The following NUPR2 variants were observed in gnomAD, a reference collection of about 807,000 sequenced individuals.
The protein encoded by NUPR2 is nuclear protein 2.
Under a neutral mutation model 7.3 loss-of-function variants are expected in NUPR2, and 14 were observed. The observed-to-expected ratio is 1.93, with a 90% confidence interval of 1.27 to 3.01. The LOEUF (loss-of-function observed/expected upper bound fraction) is 3.01, where lower values mean the gene tolerates loss of function less well. Among genes scored for constraint, NUPR2 ranks in the 30% most tolerant of loss-of-function variants. NUPR2 has a pLI of 0.00. For missense variants in NUPR2, 162 were observed against 143.7 expected (o/e 1.13, Z -0.65); for synonymous variants, 56 against 59.7 (o/e 0.94, Z 0.29).
In NUPR2 at chr7:56,115,449, G is replaced by GTATATATATATATATT. The variant is rs60116657; in HGVS notation, c.*7-553_*7-552insAATATATATATATATA. Among the ~76,000 whole-genome samples, 5 of 37,188 alleles carry GTATATATATATATATT rather than the reference G, an allele frequency of 1.3e-4. 1 individual carries two copies. Among genetic ancestry groups the GTATATATATATATATT allele is most frequent in the East Asian group, 3.1e-3 (2 of 650 alleles). 24.4% of individuals were successfully genotyped at this position (37,188 alleles called of 152,430 possible). On this transcript the variant is annotated intron_variant, in intron 1 of 1. Coordinates refer to ENST00000329309, the MANE Select transcript of NUPR2 (RefSeq NM_001145712.2). ...TATATTTGTGTGTGTGTGTGTGTGT[G>GTATATATATATATATT]TGTGTGTGTGTGTGTGTGTGTGTGT...
Position 56,115,421 on chromosome 7 carries a change from A to ATG in NUPR2, c.*7-525_*7-524insCA, listed in dbSNP as rs1785526538. Among the ~76,000 whole-genome samples, 5 of 24,956 alleles carry ATG rather than the reference A, an allele frequency of 2.0e-4. 2 individuals are homozygous for ATG. In the South Asian group the frequency reaches 6.0e-3, roughly 30 times the overall value. The allele number at this position is 24,956 out of a possible 152,430, so 16.4% of individuals were successfully genotyped here. On this transcript the variant is annotated intron_variant, in intron 1 of 1. Transcript: ENST00000329309. ...TATATATATATATATATATATATATATATATATTTGTGTGTGTGTGTGTGT... is the reference window on the plus strand; with the variant it reads ...TATATATATATATATATATATATATATGTATATATTTGTGTGTGTGTGTGTGT...
In NUPR2 at chr7:56,116,175, C is replaced by A; in HGVS notation, c.140G>T (p.Arg47Leu). 1.3e-6 allele frequency: 2 copies of A among 1,548,106 alleles called. No homozygotes were observed. Among genetic ancestry groups the A allele is most frequent in the African/African-American group, 1.4e-5 (1 of 72,390 alleles). The part of the protein sequence containing the change: ...LRDFPACGAG[R>L]SKGRTRREQA... ...CTCGCGCCGAGTCCGGCCCTTGCTG[C>A]GCCCTGCCCCGCAGGCCGGGAAGTC... The change falls in exon 1 of 2, where the codon CGC (arginine) becomes CTC (leucine). Residue 47 changes from arginine to leucine, a missense_variant. Coordinates refer to ENST00000329309, the MANE Select transcript of NUPR2 (RefSeq NM_001145712.2).
chr7:56,116,307 GCTTCCATCCTGCCCAGGCCTGT>G lies in NUPR2; in HGVS notation c.-15_7del. ...ACGTGGAAGCGCCCGCTCTGCGGGCGCTTCCATCCTGCCCAGGCCTGTGGCCACCGGCGGCCACCTGCCCGCG... is the reference window on the plus strand; with the variant it reads ...ACGTGGAAGCGCCCGCTCTGCGGGCGGGCCACCGGCGGCCACCTGCCCGCG... On this transcript the variant is annotated start_lost and 5_prime_UTR_variant, in exon 1 of 2. Coordinates refer to ENST00000329309, the MANE Select transcript of NUPR2 (RefSeq NM_001145712.2). 1 of 1,446,206 alleles carries G rather than the reference GCTTCCATCCTGCCCAGGCCTGT, an allele frequency of 6.9e-7. No individual in the cohort carries two copies. The highest frequency in any genetic ancestry group is 9.0e-7 in the Non-Finnish European group (1 of 1,107,664). The allele number at this position is 1,446,206 out of a possible 1,614,324, so 89.6% of individuals were successfully genotyped here.
At chr7:56,115,762 A>G (rs1785539875) in intron 1 of NUPR2, among the ~76,000 whole-genome samples, 1 of 150,644 alleles carries the variant, frequency 6.6e-6, no homozygotes, top group African/African-American at 2.4e-5. Flanking sequence ...GAGCCACTGC[A>G]CCCAGGCATC....
At chr7:56,115,409 A>ATATACATATG (rs1562891749) in intron 1 of NUPR2, among the ~76,000 whole-genome samples, 3 of 38,560 alleles carry the variant, frequency 7.8e-5, no homozygotes, top group African/African-American at 1.7e-4. Context: ...ATATATATAT[A>ATATACATATG]TATATATATA....
chr7:56,116,056 GGCGCTGGCGGCGCTT>G lies in NUPR2; in HGVS notation c.244_258del (p.Lys82_Arg86del), dbSNP rs751799562. The G allele has an allele frequency of 4.0e-5, 60 of 1,497,716 alleles. No homozygotes were observed. In the South Asian group the frequency reaches 6.4e-4, roughly 16 times the overall value. The allele number at this position is 1,497,716 out of a possible 1,614,324, so 92.8% of individuals were successfully genotyped here. A position where few individuals can be genotyped will look rare whatever the true frequency, so the allele number is the denominator to read the frequency against. On this transcript the variant is annotated inframe_deletion, in exon 1 of 2. Coordinates refer to ENST00000329309, the MANE Select transcript of NUPR2 (RefSeq NM_001145712.2). ...CGAGTGCGCATCTTGGGATGCAGCT[GGCGCTGGCGGCGCTT>G]GCGCTGGCCATTGAGGAGCTTCTGC... is the stretch of plus-strand genomic sequence containing the variant.
At chr7:56,115,431 G>GTATATATATATATATT (rs56746301) in intron 1 of NUPR2, among the ~76,000 whole-genome samples, 1 of 26,758 alleles carries the variant, frequency 3.7e-5, no homozygotes, top group African/African-American at 1.8e-4. Context: ...ATATATATTT[G>GTATATATATATATATT]TGTGTGTGTG....
chr7:56,115,421 A>ACATATGTATATATATATATATATACG (rs1785526473), intron 1 of NUPR2, among the ~76,000 whole-genome samples: 2 of 24,966 alleles, frequency 8.0e-5, no homozygotes, highest in African/African-American at 3.0e-4. Flanking sequence ...ATATATATAT[A>ACATATGTATATATATATATATATACG]TATATATTTG....
rs1785550285 is a variant in NUPR2, at chr7:56,116,243, G to C, written c.72C>G (p.Tyr24Ter). 7 of 1,542,614 alleles carry C rather than the reference G, an allele frequency of 4.5e-6. No homozygotes were observed. The highest frequency in any genetic ancestry group is 4.0e-5 in the Admixed American group (2 of 50,476). The change falls in exon 1 of 2, where the codon TAC becomes TAG. Residue 24 changes from tyrosine (Y) to a stop codon, truncating the protein, a stop_gained. Transcript: ENST00000329309. LOFTEE classifies it high-confidence loss of function. ...ALARPPPPIS[Y>*]EEELYDCLDY... ...CCAGGCAGTCGTAAAGCTCCTCCTC[G>C]TAGCTTATGGGTGGCGGCGGCCGAG... is the stretch of plus-strand genomic sequence containing the variant.
At chr7:56,115,048 G>A (rs2331180) in intron 1 of NUPR2, among the ~76,000 whole-genome samples, 151 bp from the exon 2 acceptor site, 74,210 of 151,820 alleles carry the variant, frequency 0.49, 18,362 homozygotes, top group Middle Eastern at 0.58. Context: ...CGATCCTGCC[G>A]CCTTAGCCAC....
intron 1 of NUPR2, among the ~76,000 whole-genome samples, chr7:56,115,415 A>ACACATATG (rs60601611): frequency 0.068 from 3,529 of 52,008 alleles, 648 homozygotes; most frequent in East Asian, 0.27. Flanking sequence ...ATATATATAT[A>ACACATATG]TATATATATA....
intron 1 of NUPR2, among the ~76,000 whole-genome samples, chr7:56,115,611 G>C (rs1237175503): frequency 5.2e-5 from 5 of 96,574 alleles, no homozygotes; most frequent in Non-Finnish European, 1.0e-4. Context: ...GCGCACCACA[G>C]TGCCTGGCTA....
chr7:56,116,101 C>T lies in NUPR2; in HGVS notation c.214G>A (p.Val72Ile), dbSNP rs1488645656. 1.3e-6 allele frequency: 2 copies of T among 1,539,314 alleles called. No homozygotes were observed. Among genetic ancestry groups the T allele is most frequent in the Admixed American group, 2.0e-5 (1 of 50,442 alleles). The change falls in exon 1 of 2, where the codon GTC (valine) becomes ATC (isoleucine). Residue 72 changes from valine to isoleucine, a missense_variant. By Grantham distance (29) the Val-to-Ile change is conservative. Coordinates refer to ENST00000329309, the MANE Select transcript of NUPR2 (RefSeq NM_001145712.2). Reference protein sequence around the residue: ...WPAPGGHERKVAQKLLNGQRK... With the variant: ...WPAPGGHERKIAQKLLNGQRK... ...TGGCCATTGAGGAGCTTCTGCGCGA[C>T]CTTGCGCTCGTGCCCGCCAGGTGCA...
chr7:56,116,107 G>T lies in NUPR2; in HGVS notation c.208C>A (p.Arg70Ser), dbSNP rs1246367659. The T allele has an allele frequency of 2.6e-6, 4 of 1,540,220 alleles. No homozygotes were observed. The East Asian group carries it at 7.5e-5, about 29-fold the overall frequency. The change falls in exon 1 of 2, where the codon CGC (arginine) becomes AGC (serine). Residue 70 changes from arginine (R) to serine (S), a missense_variant. Physicochemically the swap from Arg to Ser is moderately radical, Grantham distance 110 (BLOSUM62 -1). Transcript: ENST00000329309. ...TTGAGGAGCTTCTGCGCGACCTTGC[G>T]CTCGTGCCCGCCAGGTGCAGGCCAG... ...TNWPAPGGHE[R>S]KVAQKLLNGQ...
intron 1 of NUPR2, among the ~76,000 whole-genome samples, chr7:56,115,405 A>G (rs1384996447): frequency 2.6e-4 from 9 of 35,196 alleles, no homozygotes; most frequent in African/African-American, 1.1e-3. Context: ...ATATATATAT[A>G]TATATATATA....
intron 1 of NUPR2, among the ~76,000 whole-genome samples, chr7:56,115,411 A>ATACACACATATG (rs1562891761): frequency 3.7e-5 from 1 of 27,380 alleles, no homozygotes; most frequent in Non-Finnish European, 6.1e-5. Flanking sequence ...ATATATATAT[A>ATACACACATATG]TATATATATA....
Position 56,116,142 on chromosome 7 carries a change from A to T in NUPR2, c.173T>A (p.Leu58Gln). 1 of 1,546,554 alleles carries T rather than the reference A, an allele frequency of 6.5e-7. No homozygotes were observed. The highest frequency in any genetic ancestry group is 8.7e-7 in the Non-Finnish European group (1 of 1,145,152). The change falls in exon 1 of 2, where the codon CTG (leucine) becomes CAG (glutamine). Residue 58 changes from leucine (L) to glutamine (Q), a missense_variant. By Grantham distance (113) the Leu-to-Gln change is moderately radical. Transcript: ENST00000329309. ...SKGRTRREQALRTNWPAPGGH... is the reference protein window; with the variant it reads ...SKGRTRREQAQRTNWPAPGGH... ...GCCAGGTGCAGGCCAGTTGGTGCGC[A>T]GCGCCTGCTCGCGCCGAGTCCGGCC...
At chr7:56,115,769 CAT>C (rs1785540099) in intron 1 of NUPR2, among the ~76,000 whole-genome samples, 1 of 151,334 alleles carries the variant, frequency 6.6e-6, no homozygotes, top group African/African-American at 2.4e-5. Context: ...TGCACCCAGG[CAT>C]CGATCGCTTA....
intron 1 of NUPR2, among the ~76,000 whole-genome samples, chr7:56,115,429 T>TTG (rs59426127): frequency 0.011 from 327 of 30,978 alleles, 26 homozygotes; most frequent in Non-Finnish European, 0.011. Context: ...ATATATATAT[T>TTG]TGTGTGTGTG....
Sources: gnomAD v4.1 joint callset for allele counts (sites outside exome capture counted in the v4.1 genomes callset) on GRCh38, gnomAD v4.1.1 for gene constraint, MANE v1.5 for transcripts, NCBI Gene and HGNC (gene_info 2026-07-23, HGNC 2026-07-21) for gene names.